Variants in F5 observed in about 807,000 individuals in gnomAD.
F5 encodes coagulation factor V.
Under a neutral mutation model 216.4 loss-of-function variants are expected in F5, and 138 were observed. The observed-to-expected ratio is 0.64, with a 90% CI of 0.56 to 0.73. The LOEUF (loss-of-function observed/expected upper bound fraction) is 0.73. Among genes scored for constraint, F5 ranks in the 30% least tolerant of loss-of-function variants. The pLI is 0.00. For synonymous variants in F5, 916 were observed against 930.7 expected, an observed-to-expected ratio of 0.98 and a Z score of 0.29; for missense variants, 2,403 against 2,674.0, an observed-to-expected ratio of 0.90 and a Z score of 2.24.
At chr1:169,573,413 T>C (rs1278632159) in intron 2 of F5, among the ~76,000 whole-genome samples, 3 of 151,788 alleles carry the variant, frequency 2.0e-5, no homozygotes, top group Admixed American at 1.3e-4. Context: ...GATTAGGCAG[T>C]ATAGGAAAGA....
rs372266158 is a variant in F5 at position 169,540,426 on chromosome 1, C to A, written c.4664G>T (p.Arg1555Met). 1.2e-5 allele frequency: 19 copies of A among 1,613,818 alleles called. No individual in the cohort carries two copies. In the South Asian group the frequency reaches 2.0e-4, roughly 17 times the overall value. ...PYDDPYKTDVRTNINSSRDPD... is the reference protein window; with the variant it reads ...PYDDPYKTDVMTNINSSRDPD... ...ATCTCTGGAGGAGTTGATGTTTGTCCTAACATCAGTTTTGTAGGGGTCATC... is the reference window on the plus strand; with the variant it reads ...ATCTCTGGAGGAGTTGATGTTTGTCATAACATCAGTTTTGTAGGGGTCATC... The change falls in exon 13 of 25, where the codon AGG becomes ATG. Residue 1555 changes from arginine to methionine, a missense_variant. Transcript: ENST00000367797.
chr1:169,559,314 T>G lies in F5; in HGVS notation c.587-18A>C, dbSNP rs776027565. On this transcript the variant is annotated intron_variant, in intron 4 of 24. Coordinates refer to ENST00000367797, the MANE Select transcript of F5 (RefSeq NM_000130.5). The stretch of plus-strand genomic sequence containing the variant: ...TAGGGTCCCTATGAAAGGAAAGACA[T>G]GTTTTCAGTAGCACTGCAGATAGAA... 1 of 1,613,150 alleles carries G rather than the reference T, an allele frequency of 6.2e-7. No homozygotes were observed. The highest frequency in any genetic ancestry group is 1.3e-5 in the African/African-American group (1 of 74,900).
chr1:169,555,049 C>T (rs1295674221), intron 7 of F5, 133 bp downstream of exon 7: 2 of 1,011,994 alleles, frequency 2.0e-6, no homozygotes, highest in Non-Finnish European at 3.1e-6. Context: ...TTAATTTTTA[C>T]AAAAAGACTT....
intron 15 of F5, among the ~76,000 whole-genome samples, chr1:169,530,223 C>G (rs967248304): frequency 2.6e-5 from 4 of 152,174 alleles, no homozygotes; most frequent in African/African-American, 9.7e-5. Flanking sequence ...TCATTTTTAA[C>G]TTCTGATACC....
rs1268827129 is a variant in F5, at chr1:169,520,630, T to G, written c.6083A>C (p.Lys2028Thr). Residue 2028 changes from lysine to threonine, a missense_variant, in exon 22 of 25, where the codon AAA becomes ACA. This residue lies in a region of F5 where 659 missense variants were observed against 787.9 expected (regional missense o/e 0.84). Coordinates refer to ENST00000367797, the MANE Select transcript of F5 (RefSeq NM_000130.5). ...AATAGGTGGGTCAAACTGATTCTCTTTTATTGTAGAGGCATCTGAATTGCC... is the reference window on the plus strand; with the variant it reads ...AATAGGTGGGTCAAACTGATTCTCTGTTATTGTAGAGGCATCTGAATTGCC... ...FNGNSDASTI[K>T]ENQFDPPIVA... 1 of 1,613,978 alleles carries G rather than the reference T, an allele frequency of 6.2e-7. No homozygotes were observed. Among genetic ancestry groups the G allele is most frequent in the Non-Finnish European group, 8.5e-7 (1 of 1,179,904 alleles).
chr1:169,582,138 G>A (rs562594972), intron 2 of F5, among the ~76,000 whole-genome samples: 1 of 152,222 alleles, frequency 6.6e-6, no homozygotes, highest in Non-Finnish European at 1.5e-5. Context: ...GTTAAAAACA[G>A]AGCCAGCTTC....
rs1339557977 is a variant in F5, at chr1:169,560,646, G to T, written c.494C>A (p.Pro165His). The change falls in exon 4 of 25, where the codon CCT (proline) becomes CAT (histidine). Residue 165 changes from proline to histidine, a missense_variant. Physicochemically the swap from Pro to His is moderately conservative, Grantham distance 77 (BLOSUM62 -2). Coordinates refer to ENST00000367797, the MANE Select transcript of F5 (RefSeq NM_000130.5). ...GTAATAGATGTGTGTGAGGCATGGA[G>T]GGTCATCATGGGTGGGTCCACTGTC... ...SEDSGPTHDDPPCLTHIYYSH... is the reference protein window; with the variant it reads ...SEDSGPTHDDHPCLTHIYYSH... 1 of 1,613,766 alleles carries T rather than the reference G, an allele frequency of 6.2e-7. No homozygotes were observed. Among genetic ancestry groups the T allele is most frequent in the South Asian group, 1.1e-5 (1 of 91,074 alleles).
chr1:169,541,659 G>C lies in F5; in HGVS notation c.3431C>G (p.Pro1144Arg), dbSNP rs957625175. The C allele has an allele frequency of 1.9e-6, 3 of 1,614,132 alleles. No individual in the cohort carries two copies. In the African/African-American group the frequency reaches 4.0e-5, roughly 22 times the overall value. Residue 1144 changes from proline (P) to arginine (R), a missense_variant, in exon 13 of 25, where the codon CCC (proline) becomes CGC (arginine). Around this residue, in one of 4 missense-constraint regions of F5, gnomAD observed 1,425 missense variants for 1,554.8 expected, o/e 0.92. Transcript: ENST00000367797. ...CTCTGGAGAAGAGGATCTGTGACTG[G>C]GGTCTGAAGTAGAGTGCATTTGATC... ...DPDQMHSTSD[P>R]SHRSSSPELS... is the part of the protein sequence containing the mutation.
intron 11 of F5, among the ~76,000 whole-genome samples, chr1:169,545,396 A>G (rs1659973935): frequency 2.0e-5 from 3 of 152,254 alleles, no homozygotes; most frequent in African/African-American, 7.2e-5. Context: ...TAATAAAGTA[A>G]GTCTCATTAA....
chr1:169,536,649 G>T lies in F5; in HGVS notation c.4828C>A (p.Pro1610Thr). The T allele has an allele frequency of 6.2e-7, 1 of 1,612,470 alleles. No homozygotes were observed. The highest frequency in any genetic ancestry group is 1.7e-4 in the Middle Eastern group (1 of 6,054). Residue 1610 changes from proline to threonine, a missense_variant, in exon 14 of 25, where the codon CCA becomes ACA. Transcript: ENST00000367797. ...ACTTTCTTATATGTGGTATCTTCTG[G>T]AATATCATCAGAGTCTTCAATATCT... ...ETDIEDSDDI[P>T]EDTTYKKVVF...
intron 3 of F5, among the ~76,000 whole-genome samples, chr1:169,569,311 T>C (rs1465819813): frequency 6.6e-6 from 1 of 152,068 alleles, no homozygotes; most frequent in Non-Finnish European, 1.5e-5. Context: ...GAAAACGTGT[T>C]TTATTTGGAG....
Position 169,523,316 on chromosome 1 carries a change from G to A in F5, c.5929C>T (p.Gln1977Ter), listed in dbSNP as rs747749755. Residue 1977 changes from glutamine (Q) to a stop codon, truncating the protein, a stop_gained, in exon 21 of 25, where the codon CAG (glutamine) becomes TAG (stop). Coordinates refer to ENST00000367797, the MANE Select transcript of F5 (RefSeq NM_000130.5). LOFTEE classifies it high-confidence loss of function. The stretch of plus-strand genomic sequence containing the variant: ...AGGTAGTGTTTGGCACCTTGGGTCT[G>A]GATCCCTGTGATTATGACTTCCTTT... ...MQKEVIITGI[Q>*]TQGAKHYLKS... 1.2e-6 allele frequency: 2 copies of A among 1,614,058 alleles called. No individual in the cohort carries two copies. The highest frequency in any genetic ancestry group is 2.2e-5 in the South Asian group (2 of 91,078).
At chr1:169,514,974 A>G (rs981861279) in intron 24 of F5, among the ~76,000 whole-genome samples, 1 of 152,154 alleles carries the variant, frequency 6.6e-6, no homozygotes, top group Admixed American at 6.6e-5. Flanking sequence ...ACCTCACAGA[A>G]GTCATTGTAA....
intron 18 of F5, among the ~76,000 whole-genome samples, 194 bp from the exon 19 acceptor site, chr1:169,525,102 G>T (rs1350970157): frequency 5.9e-5 from 9 of 152,052 alleles, no homozygotes; most frequent in Non-Finnish European, 1.3e-4. Flanking sequence ...AATAGATATA[G>T]TGGCATCCTA....
intron 18 of F5, among the ~76,000 whole-genome samples, chr1:169,525,613 C>T (rs572154657): frequency 1.9e-4 from 29 of 152,292 alleles, no homozygotes; most frequent in African/African-American, 6.7e-4. Context: ...TTTCCCTCCT[C>T]AACTCTTGGA....
intron 2 of F5, among the ~76,000 whole-genome samples, chr1:169,577,894 A>G (rs933811045): frequency 2.6e-5 from 4 of 151,994 alleles, no homozygotes; most frequent in Non-Finnish European, 5.9e-5. Context: ...AACTAACAAC[A>G]ACAATAGTTC....
Position 169,541,431 on chromosome 1 carries a change from C to A in F5, c.3659G>T (p.Arg1220Ile). The A allele has an allele frequency of 6.2e-7, 1 of 1,601,804 alleles. No individual in the cohort carries two copies. Among genetic ancestry groups the A allele is most frequent in the Non-Finnish European group, 8.5e-7 (1 of 1,175,642 alleles). Residue 1220 changes from arginine (R) to isoleucine (I), a missense_variant, in exon 13 of 25, where the codon AGA becomes ATA. Physicochemically the swap from Arg to Ile is moderately conservative, Grantham distance 97. Around this residue, in one of 4 missense-constraint regions of F5, gnomAD observed 1,425 missense variants for 1,554.8 expected, o/e 0.92. Coordinates refer to ENST00000367797, the MANE Select transcript of F5 (RefSeq NM_000130.5). The stretch of plus-strand genomic sequence containing the variant: ...CTGACCGAGGGCTGGGGAAAGGTTT[C>A]TCTGAATGAGTTCTGGAGAGAGAGT... ...HTTLSPELIQ[R>I]NLSPALGQMP...
chr1:169,545,699 T>G (rs1388084551), intron 11 of F5, among the ~76,000 whole-genome samples: 2 of 152,228 alleles, frequency 1.3e-5, no homozygotes, highest in African/African-American at 4.8e-5. Context: ...GTCAGTCATC[T>G]GAAGCTATAT....
chr1:169,581,025 G>C (rs895965928), intron 2 of F5, among the ~76,000 whole-genome samples: 3 of 152,138 alleles, frequency 2.0e-5, no homozygotes, highest in Admixed American at 2.0e-4. Flanking sequence ...TATTGAGGGG[G>C]TGTCAATGTA....
Sources: gnomAD v4.1 joint callset for allele counts (sites outside exome capture counted in the v4.1 genomes callset) on GRCh38, gnomAD v4.1.1 for gene constraint, gnomAD v4.1.1 regional missense constraint, MANE v1.5 for transcripts, NCBI Gene and HGNC (gene_info 2026-07-23, HGNC 2026-07-21) for gene names.